ARPP21: variants seen among roughly 807,000 people sequenced by gnomAD.
ARPP21 encodes the protein cAMP regulated phosphoprotein 21.
A neutral mutation model predicts 113.2 loss-of-function variants in ARPP21; 69 were observed. The observed-to-expected ratio is 0.61, with a 90% CI of 0.50 to 0.74. The LOEUF (loss-of-function observed/expected upper bound fraction) is 0.74, where lower values mean the gene tolerates loss of function less well. Ranked by LOEUF, ARPP21 falls within the 30% of genes least tolerant of loss-of-function variation. ARPP21 has a pLI of 0.00. For synonymous variants in ARPP21, 368 were observed against 375.5 expected (o/e 0.98, Z 0.23); for missense variants, 1,070 against 1,037.4 (o/e 1.03, Z -0.43).
In ARPP21 at chr3:35,751,023, A is replaced by G. The variant is rs550964133; in HGVS notation, c.2137+7058A>G. Among the ~76,000 whole-genome samples, 3 of 152,312 alleles carry G rather than the reference A, an allele frequency of 2.0e-5. No individual in the cohort carries two copies. The East Asian group carries it at 5.8e-4, about 29-fold the overall frequency. On this transcript the variant is annotated intron_variant, in intron 19 of 20. Coordinates refer to ENST00000684406, the MANE Select transcript of ARPP21 (RefSeq NM_001385562.1). The stretch of plus-strand genomic sequence containing the variant: ...TGATGAAGTTGACCGTTTACAAAGG[A>G]CAGTTCAACAATCTGCCTTCCTAAT...
chr3:35,767,401 G>A (rs191706858), intron 19 of ARPP21, among the ~76,000 whole-genome samples: 98 of 152,188 alleles, frequency 6.4e-4, no homozygotes, highest in African/African-American at 2.3e-3. Context: ...TCACCATGAT[G>A]GACAATAAAG....
chr3:35,703,337 T>C (rs1233149591), intron 9 of ARPP21, among the ~76,000 whole-genome samples: 2 of 151,988 alleles, frequency 1.3e-5, no homozygotes, highest in East Asian at 3.9e-4. Context: ...TTATCTTCAC[T>C]CAGCCACACT....
chr3:35,739,682 C>G lies in ARPP21; in HGVS notation c.2010+105C>G. On this transcript the variant is annotated intron_variant, in intron 18 of 20. Coordinates refer to ENST00000684406, the MANE Select transcript of ARPP21 (RefSeq NM_001385562.1). The stretch of plus-strand genomic sequence containing the variant: ...ACCAGATTCACTCCCTCTTCCCTTT[C>G]TAGTCTATATTAATATTCCTCACCA... 2.5e-5 allele frequency: 35 copies of G among 1,399,886 alleles called. No homozygotes were observed. The South Asian group carries it at 5.0e-4, about 20-fold the overall frequency. The allele number at this position is 1,399,886 out of a possible 1,614,324, so 86.7% of individuals were successfully genotyped here.
At chr3:35,732,719 A>G (rs1459194329) in intron 15 of ARPP21, among the ~76,000 whole-genome samples, 2 of 152,180 alleles carry the variant, frequency 1.3e-5, no homozygotes, top group African/African-American at 2.4e-5. Context: ...ATCTGGTGCA[A>G]GTTCAAGACT....
chr3:35,758,314 C>T (rs114764079), intron 19 of ARPP21, among the ~76,000 whole-genome samples: 283 of 152,212 alleles, frequency 1.9e-3, no homozygotes, highest in African/African-American at 5.8e-3. Flanking sequence ...TTTCAAATCT[C>T]TCATGTATCT....
intron 19 of ARPP21, among the ~76,000 whole-genome samples, chr3:35,791,802 C>G (rs1357837756): frequency 6.6e-6 from 1 of 152,122 alleles, no homozygotes; most frequent in African/African-American, 2.4e-5. Flanking sequence ...TCACATGCGT[C>G]CCACTTGCTG....
chr3:35,662,691 T>C (rs1708364365), intron 1 of ARPP21, among the ~76,000 whole-genome samples: 2 of 152,132 alleles, frequency 1.3e-5, no homozygotes, highest in Admixed American at 1.3e-4. Flanking sequence ...TGGATATGGA[T>C]TATTCTAGGA....
intron 14 of ARPP21, 151 bp downstream of exon 14, chr3:35,721,985 G>C (rs1386376732): frequency 1.7e-6 from 1 of 602,062 alleles, no homozygotes; most frequent in African/African-American, 1.9e-5. Context: ...ATTTAAATAG[G>C]TTACTGACTC....
At chr3:35,755,970 G>T (rs1257664315) in intron 19 of ARPP21, among the ~76,000 whole-genome samples, 4 of 152,044 alleles carry the variant, frequency 2.6e-5, no homozygotes, top group Non-Finnish European at 2.9e-5. Context: ...CCTGAAAGAC[G>T]CTGCTTTTTA....
At chr3:35,713,037 G>A (rs1256466079) in intron 11 of ARPP21, among the ~76,000 whole-genome samples, 2 of 152,130 alleles carry the variant, frequency 1.3e-5, no homozygotes, top group Non-Finnish European at 2.9e-5. Flanking sequence ...GTGGGGATGG[G>A]TAATAAGGGC....
Position 35,702,389 on chromosome 3 carries a change from A to G in ARPP21, c.687-4585A>G, listed in dbSNP as rs1214568196. On this transcript the variant is annotated intron_variant, in intron 9 of 20. Coordinates refer to ENST00000684406, the MANE Select transcript of ARPP21 (RefSeq NM_001385562.1). ...TATTATTTTCTTTGGATTCATTATTAGAAATCGAACTACTTTGTCAGGACA... is the reference window on the plus strand; with the variant it reads ...TATTATTTTCTTTGGATTCATTATTGGAAATCGAACTACTTTGTCAGGACA... Among the ~76,000 whole-genome samples, 3 of 151,956 alleles carry G rather than the reference A, an allele frequency of 2.0e-5. No homozygotes were observed. In the East Asian group the frequency reaches 5.8e-4, roughly 29 times the overall value.
intron 19 of ARPP21, among the ~76,000 whole-genome samples, chr3:35,783,453 C>A (rs771004684): frequency 6.6e-6 from 1 of 151,974 alleles, no homozygotes; most frequent in Non-Finnish European, 1.5e-5. Context: ...CCCTCCTTGC[C>A]GCTCATAGAT....
chr3:35,647,624 C>T (rs947892824), intron 1 of ARPP21, among the ~76,000 whole-genome samples: 2 of 152,260 alleles, frequency 1.3e-5, no homozygotes, highest in Admixed American at 1.3e-4. Context: ...ATCTGAATCG[C>T]ATTTTCTGTG....
intron 19 of ARPP21, chr3:35,744,347 A>C: frequency 2.7e-6 from 1 of 371,438 alleles, no homozygotes; most frequent in South Asian, 2.0e-5. Context: ...AGGTTGTTTC[A>C]ATATCGTGCT....
intron 9 of ARPP21, among the ~76,000 whole-genome samples, chr3:35,702,219 A>G (rs1462087871): frequency 1.3e-5 from 2 of 151,712 alleles, no homozygotes; most frequent in Non-Finnish European, 3.0e-5. Flanking sequence ...TGTTTGTATT[A>G]ATTGCTTTTC....
At chr3:35,700,724 A>C (rs1559666896) in intron 9 of ARPP21, among the ~76,000 whole-genome samples, 1 of 151,910 alleles carries the variant, frequency 6.6e-6, no homozygotes, top group South Asian at 2.1e-4. Context: ...CACCAGAGAG[A>C]AGTAAATGAT....
chr3:35,784,020 T>C (rs1360729019), intron 19 of ARPP21, among the ~76,000 whole-genome samples: 2 of 152,154 alleles, frequency 1.3e-5, no homozygotes, highest in African/African-American at 2.4e-5. Flanking sequence ...CTACACACAA[T>C]AGAAGTAAGT....
intron 19 of ARPP21, chr3:35,775,115 C>CT (rs1429592535): frequency 6.6e-6 from 1 of 152,136 alleles, no homozygotes; most frequent in Non-Finnish European, 1.5e-5. Flanking sequence ...GAAATGCTCT[C>CT]TGAGTGACTG....
intron 15 of ARPP21, among the ~76,000 whole-genome samples, chr3:35,735,724 C>T (rs944153849): frequency 1.3e-5 from 2 of 152,186 alleles, no homozygotes; most frequent in Non-Finnish European, 2.9e-5. Flanking sequence ...TGCTCAGGTT[C>T]CTAGAGAATA....
Sources: gnomAD v4.1 joint callset for allele counts (sites outside exome capture counted in the v4.1 genomes callset) on GRCh38, gnomAD v4.1.1 for gene constraint, MANE v1.5 for transcripts, NCBI Gene and HGNC (gene_info 2026-07-23, HGNC 2026-07-21) for gene names.